Variants in NDRG3 observed in about 807,000 individuals in gnomAD.
NDRG3 encodes NDRG family member 3, also known as protein NDRG3.
A neutral mutation model predicts 57.2 loss-of-function variants in NDRG3; 23 were observed. The ratio of observed to expected loss-of-function variants is 0.40; its 90% CI spans 0.29 to 0.57. NDRG3 has a LOEUF of 0.57. NDRG3 is among the 20% of genes least tolerant of loss of function. The pLI is 0.42. For missense variants in NDRG3, 384 were observed against 457.3 expected (o/e 0.84, Z 1.46); for synonymous variants, 132 against 162.6 (o/e 0.81, Z 1.43).
At chr20:36,740,894 T>C (rs1985895976) in intron 1 of NDRG3, among the ~76,000 whole-genome samples, 1 of 152,166 alleles carries the variant, frequency 6.6e-6, no homozygotes, top group Non-Finnish European at 1.5e-5. Context: ...TTTTTAAAAA[T>C]TCATTTACCA....
At chr20:36,689,813 T>C (rs535758774) in intron 3 of NDRG3, among the ~76,000 whole-genome samples, 1 of 150,698 alleles carries the variant, frequency 6.6e-6, no homozygotes, top group African/African-American at 2.4e-5. Flanking sequence ...CTCCGCCTCC[T>C]GGGTTCACGC....
Position 36,734,202 on chromosome 20 carries a change from G to A in NDRG3, c.-49+11843C>T, listed in dbSNP as rs146994028. On this transcript the variant is annotated intron_variant, in intron 1 of 15. Transcript: ENST00000349004. ...AGCCTGAGTGACAGAGCGAGACTCCGTCTCAAAAAAAAAAAAAGAGGTGAC... is the reference window on the plus strand; with the variant it reads ...AGCCTGAGTGACAGAGCGAGACTCCATCTCAAAAAAAAAAAAAGAGGTGAC... Among the ~76,000 whole-genome samples, 339 of 149,600 alleles carry A rather than the reference G, an allele frequency of 2.3e-3. 2 individuals carry two copies. The highest frequency in any genetic ancestry group is 8.0e-3 in the African/African-American group (320 of 40,028).
At chr20:36,704,277 A>C (rs926656469) in intron 3 of NDRG3, among the ~76,000 whole-genome samples, 1 of 151,918 alleles carries the variant, frequency 6.6e-6, no homozygotes, top group Non-Finnish European at 1.5e-5. Context: ...GGGTTTCACT[A>C]TGTTGGCCAG....
chr20:36,653,832 C>T lies in NDRG3; in HGVS notation c.947-131G>A. 1 of 772,170 alleles carries T rather than the reference C, an allele frequency of 1.3e-6. No homozygotes were observed. The highest frequency in any genetic ancestry group is 2.0e-6 in the Non-Finnish European group (1 of 488,464). The allele number at this position is 772,170 out of a possible 1,614,324, so 47.8% of individuals were successfully genotyped here. On this transcript the variant is annotated intron_variant, in intron 15 of 15. Coordinates refer to ENST00000349004, the MANE Select transcript of NDRG3 (RefSeq NM_032013.4). This position sits in a 1 kb window ranked among gnomAD's most constrained non-coding sequence, Gnocchi z 4.2. Reference sequence around the variant, plus strand: ...CATGACACCCAGGACAAGATATAGCCATCCCCATTTTGTATCATTTGCTCT... The same window carrying T: ...CATGACACCCAGGACAAGATATAGCTATCCCCATTTTGTATCATTTGCTCT...
At chr20:36,679,497 A>G (rs1484877658) in intron 8 of NDRG3, among the ~76,000 whole-genome samples, 1 of 151,616 alleles carries the variant, frequency 6.6e-6, no homozygotes, top group Non-Finnish European at 1.5e-5. Context: ...ACTCCTGTTA[A>G]ATTGCAATTT....
rs1369253167 is a variant in NDRG3, at chr20:36,653,717, A to G, written c.947-16T>C. The G allele has an allele frequency of 1.9e-6, 3 of 1,608,866 alleles. No individual in the cohort carries two copies. The highest frequency in any genetic ancestry group is 2.7e-5 in the African/African-American group (2 of 75,024). On this transcript the variant is annotated splice_polypyrimidine_tract_variant and intron_variant, in intron 15 of 15. Coordinates refer to ENST00000349004, the MANE Select transcript of NDRG3 (RefSeq NM_032013.4). This position sits in a 1 kb window ranked among gnomAD's most constrained non-coding sequence, Gnocchi z 4.2. ...GCAGATGGTACTGTAACAGAGAACC[A>G]AGGGGACTAGAAGATGAAGCCCCGG...
chr20:36,680,895 T>C lies in NDRG3; in HGVS notation c.452A>G (p.His151Arg). ...CACAAGGCCTTCCACAAGCTCTGGA[T>C]GGTTGAGCTGAAAGATGAGGCAAAG... ...AYILSRFALN[H>R]PELVEGLVLI... Residue 151 changes from histidine to arginine, a missense_variant, in exon 8 of 16, where the codon CAT (histidine) becomes CGT (arginine). By Grantham distance (29) the His-to-Arg change is conservative. Coordinates refer to ENST00000349004, the MANE Select transcript of NDRG3 (RefSeq NM_032013.4). 2.5e-6 allele frequency: 4 copies of C among 1,613,858 alleles called. No homozygotes were observed. The highest frequency in any genetic ancestry group is 3.4e-6 in the Non-Finnish European group (4 of 1,179,792).
intron 1 of NDRG3, among the ~76,000 whole-genome samples, chr20:36,723,301 A>G (rs760557231): frequency 6.6e-6 from 1 of 152,174 alleles, no homozygotes; most frequent in Non-Finnish European, 1.5e-5. Context: ...ATGAACTACA[A>G]ATTCTTCTTC....
chr20:36,696,830 G>A (rs1384393554), intron 3 of NDRG3, among the ~76,000 whole-genome samples: 1 of 152,162 alleles, frequency 6.6e-6, no homozygotes, highest in Non-Finnish European at 1.5e-5. Context: ...CATCTTCAAT[G>A]ATGTAATCCT....
intron 1 of NDRG3, among the ~76,000 whole-genome samples, chr20:36,725,112 A>G (rs1404344728): frequency 6.6e-6 from 1 of 151,502 alleles, no homozygotes; most frequent in East Asian, 1.9e-4. Flanking sequence ...CCTGGCCAAC[A>G]TGGAGAAACC....
At chr20:36,701,828 G>A (rs1486536723) in intron 3 of NDRG3, among the ~76,000 whole-genome samples, 4 of 148,892 alleles carry the variant, frequency 2.7e-5, no homozygotes, top group African/African-American at 5.0e-5. Context: ...GATTACAGGC[G>A]TGAGCCACTG....
chr20:36,739,688 T>A lies in NDRG3; in HGVS notation c.-49+6357A>T, dbSNP rs138674484. On this transcript the variant is annotated intron_variant, in intron 1 of 15. Transcript: ENST00000349004. ...CTATAATCCCAGCACTTTGGGAGGC[T>A]GAGGTGGGCGGATCATGAGGTCAGG... Among the ~76,000 whole-genome samples the A allele has an allele frequency of 6.7e-3, 1,016 of 151,620 alleles. 13 individuals are homozygous for A. Among genetic ancestry groups the A allele is most frequent in the African/African-American group, 0.023 (955 of 41,374 alleles).
intron 12 of NDRG3, among the ~76,000 whole-genome samples, chr20:36,664,736 C>CTGGA (rs1979474615): frequency 1.3e-5 from 2 of 152,104 alleles, no homozygotes; most frequent in Admixed American, 6.6e-5. Context: ...GTCACCTAGG[C>CTGGA]TGGAGTGCAG....
intron 2 of NDRG3, among the ~76,000 whole-genome samples, chr20:36,720,757 ACTT>A (rs1454564360): frequency 6.7e-6 from 1 of 148,856 alleles, no homozygotes; most frequent in Non-Finnish European, 1.5e-5. Flanking sequence ...CCACCCTCAT[ACTT>A]CTTTTTTCTT....
intron 2 of NDRG3, among the ~76,000 whole-genome samples, chr20:36,709,826 G>T (rs961441078): frequency 3.9e-5 from 6 of 152,032 alleles, no homozygotes; most frequent in African/African-American, 9.7e-5. Context: ...TAAATCAGGT[G>T]CTTGATACAG....
At chr20:36,743,902 CTTTTTTT>C (rs1188148076) in intron 1 of NDRG3, among the ~76,000 whole-genome samples, 1 of 119,024 alleles carries the variant, frequency 8.4e-6, no homozygotes, top group African/African-American at 3.6e-5. Flanking sequence ...CATAAACAAG[CTTTTTTT>C]TTTTTTTTTT....
chr20:36,742,367 T>C (rs186618925), intron 1 of NDRG3, among the ~76,000 whole-genome samples: 1 of 152,204 alleles, frequency 6.6e-6, no homozygotes, highest in Non-Finnish European at 1.5e-5. Context: ...AAACCTTTAG[T>C]GGCTAAAAAG....
chr20:36,709,200 A>G (rs1465351613), intron 2 of NDRG3, among the ~76,000 whole-genome samples: 1 of 152,210 alleles, frequency 6.6e-6, no homozygotes, highest in African/African-American at 2.4e-5. Context: ...AAATTCAATA[A>G]AATAAAATCT....
intron 1 of NDRG3, among the ~76,000 whole-genome samples, chr20:36,731,411 A>G (rs1175673093): frequency 2.0e-5 from 3 of 152,228 alleles, no homozygotes; most frequent in African/African-American, 7.2e-5. Flanking sequence ...TGAAAGGGCC[A>G]TTAACTTTGG....
Sources: gnomAD v4.1 joint callset for allele counts (sites outside exome capture counted in the v4.1 genomes callset) on GRCh38, gnomAD v4.1.1 for gene constraint, Gnocchi (gnomAD v3.1) non-coding constraint, MANE v1.5 for transcripts, NCBI Gene and HGNC (gene_info 2026-07-23, HGNC 2026-07-21) for gene names.